The following IQGAP2 variants were observed in gnomAD, a reference collection of about 807,000 sequenced individuals.
The protein encoded by IQGAP2 is IQ motif containing GTPase activating protein 2.
A neutral mutation model predicts 201.3 loss-of-function variants in IQGAP2; 173 were observed. The ratio of observed to expected loss-of-function variants is 0.86; its 90% CI spans 0.76 to 0.98. The LOEUF is 0.98. Ranked by LOEUF, IQGAP2 falls within the 50% of genes least tolerant of loss-of-function variation. IQGAP2 has a pLI of 0.00. For synonymous variants in IQGAP2, 675 were observed against 673.9 expected (o/e 1.00, Z -0.03); for missense variants, 1,687 against 1,864.8 (o/e 0.90, Z 1.76).
rs977238781 is a variant in IQGAP2, at chr5:76,642,997, G to A, written c.2094+1894G>A. ...TATTTTTGAGCAGTTAGAAGTCCCC[G>A]ATAAAATTGCCTGAGTGAGCCAGAA... On this transcript the variant is annotated intron_variant, in intron 17 of 35. Transcript: ENST00000274364. 2.6e-5 allele frequency among the ~76,000 whole-genome samples: 4 copies of A among 151,874 alleles called. No individual in the cohort carries two copies. In the Middle Eastern group the frequency reaches 0.01, roughly 387 times the overall value.
Position 76,558,836 on chromosome 5 carries a change from C to T in IQGAP2, c.147-3560C>T, listed in dbSNP as rs553718642. 9.8e-5 allele frequency among the ~76,000 whole-genome samples: 15 copies of T among 152,310 alleles called. No homozygotes were observed. In the South Asian group the frequency reaches 2.9e-3, roughly 29 times the overall value. On this transcript the variant is annotated intron_variant, in intron 2 of 35. Coordinates refer to ENST00000274364, the MANE Select transcript of IQGAP2 (RefSeq NM_006633.5). Reference sequence around the variant, plus strand: ...TCACACCACCACTATGTGGCTGACTCCTGGTGCAGAACCCTCCCTTCAACC... The same window carrying T: ...TCACACCACCACTATGTGGCTGACTTCTGGTGCAGAACCCTCCCTTCAACC...
chr5:76,673,792 T>C (rs1744566084), intron 25 of IQGAP2, 160 bp from the exon 26 acceptor site: 2 of 679,306 alleles, frequency 2.9e-6, no homozygotes. Context: ...AGCTCAGTTA[T>C]TATCATCAGT....
intron 17 of IQGAP2, among the ~76,000 whole-genome samples, chr5:76,644,823 T>C (rs1178968415): frequency 1.3e-5 from 2 of 152,162 alleles, no homozygotes; most frequent in Non-Finnish European, 2.9e-5. Context: ...AGATGAGGCA[T>C]GTAGTATTCT....
chr5:76,459,156 T>G (rs1355924694), intron 1 of IQGAP2, among the ~76,000 whole-genome samples: 1 of 152,194 alleles, frequency 6.6e-6, no homozygotes, highest in Non-Finnish European at 1.5e-5. Context: ...AAATCTCTTA[T>G]TTGGACAGGA....
chr5:76,649,524 A>G (rs534229767), intron 17 of IQGAP2, among the ~76,000 whole-genome samples: 4 of 152,246 alleles, frequency 2.6e-5, no homozygotes, highest in Non-Finnish European at 5.9e-5. Context: ...GAATAAATAC[A>G]TTTTTCTACT....
chr5:76,691,560 C>G (rs1395716700), intron 30 of IQGAP2: 1 of 152,136 alleles, frequency 6.6e-6, no homozygotes, highest in Non-Finnish European at 1.5e-5. Context: ...TCAGCCACAG[C>G]CGCTTTAGGA....
chr5:76,408,694 T>G (rs978354616), intron 1 of IQGAP2, among the ~76,000 whole-genome samples: 2 of 152,088 alleles, frequency 1.3e-5, no homozygotes, highest in East Asian at 1.9e-4. Context: ...CAGGCTGTAG[T>G]GTGCAATGAT....
chr5:76,416,687 G>C (rs956656465), intron 1 of IQGAP2, among the ~76,000 whole-genome samples: 1 of 152,086 alleles, frequency 6.6e-6, no homozygotes, highest in East Asian at 1.9e-4. Flanking sequence ...GCCACCACGC[G>C]TGGCTAATTT....
At chr5:76,405,302 A>G (rs1480003516) in intron 1 of IQGAP2, among the ~76,000 whole-genome samples, 2 of 152,172 alleles carry the variant, frequency 1.3e-5, no homozygotes, top group African/African-American at 4.8e-5. Context: ...CAGATCTGGC[A>G]AGCCTGAAGC....
chr5:76,669,630 TAAG>T (rs1226182326), intron 23 of IQGAP2, among the ~76,000 whole-genome samples: 4 of 152,122 alleles, frequency 2.6e-5, no homozygotes, highest in Non-Finnish European at 4.4e-5. Context: ...ACAATTTTTA[TAAG>T]AAGAGATAGA....
chr5:76,628,940 T>G (rs996001059), intron 14 of IQGAP2, among the ~76,000 whole-genome samples: 3 of 152,206 alleles, frequency 2.0e-5, no homozygotes, highest in Non-Finnish European at 2.9e-5. Context: ...ATTTAGACAT[T>G]CAAATAGCCT....
At chr5:76,546,886 G>A (rs1228939138) in intron 2 of IQGAP2, among the ~76,000 whole-genome samples, 3 of 152,166 alleles carry the variant, frequency 2.0e-5, no homozygotes, top group Non-Finnish European at 4.4e-5. Context: ...GAAGAGGTGG[G>A]AGTGGAGAGT....
At chr5:76,584,426 G>A (rs1359813267) in intron 5 of IQGAP2, among the ~76,000 whole-genome samples, 1 of 152,160 alleles carries the variant, frequency 6.6e-6, no homozygotes, top group Non-Finnish European at 1.5e-5. Flanking sequence ...GATTGACTGA[G>A]AAACAAACTG....
At chr5:76,681,786 T>G (rs1024286295) in intron 28 of IQGAP2, among the ~76,000 whole-genome samples, 5 of 152,170 alleles carry the variant, frequency 3.3e-5, no homozygotes. Context: ...GTCAAAGAGT[T>G]ATTTGTTCAC....
intron 2 of IQGAP2, among the ~76,000 whole-genome samples, chr5:76,528,730 A>G (rs1054649790): frequency 1.8e-4 from 27 of 152,168 alleles, no homozygotes; most frequent in African/African-American, 6.0e-4. Flanking sequence ...ATTCGTGGCC[A>G]ATATGATTCA....
intron 31 of IQGAP2, among the ~76,000 whole-genome samples, chr5:76,694,160 T>A (rs1746516694): frequency 6.6e-6 from 1 of 152,172 alleles, no homozygotes; most frequent in African/African-American, 2.4e-5. Flanking sequence ...AGGCTGGGCA[T>A]GGTGGCTCAT....
intron 17 of IQGAP2, among the ~76,000 whole-genome samples, chr5:76,642,784 C>A (rs1751698854): frequency 6.6e-6 from 1 of 152,168 alleles, no homozygotes; most frequent in Non-Finnish European, 1.5e-5. Flanking sequence ...AACTCCTAGG[C>A]CGAGGCCAGC....
chr5:76,532,111 A>G (rs1051314072), intron 2 of IQGAP2, among the ~76,000 whole-genome samples: 2 of 152,252 alleles, frequency 1.3e-5, no homozygotes, highest in South Asian at 2.1e-4. Context: ...TGAGGGGGAC[A>G]TAAGCATTCA....
chr5:76,509,260 A>T (rs537076329), intron 2 of IQGAP2, among the ~76,000 whole-genome samples: 1 of 152,292 alleles, frequency 6.6e-6, no homozygotes, highest in Non-Finnish European at 1.5e-5. Flanking sequence ...TTCACAAATG[A>T]TGTGTAGAAA....
Sources: gnomAD v4.1 joint callset for allele counts (sites outside exome capture counted in the v4.1 genomes callset) on GRCh38, gnomAD v4.1.1 for gene constraint, MANE v1.5 for transcripts, NCBI Gene and HGNC (gene_info 2026-07-23, HGNC 2026-07-21) for gene names.